TNFSF11: variants seen among roughly 807,000 people sequenced by gnomAD.
TNFSF11 encodes tumor necrosis factor ligand superfamily member 11.
In TNFSF11, 12 loss-of-function variants were observed where a neutral mutation model predicts 32.2. That is an observed-to-expected ratio of 0.37 (90% CI 0.24 to 0.60). The LOEUF (loss-of-function observed/expected upper bound fraction) is 0.60, where lower values mean the gene tolerates loss of function less well. Ranked by LOEUF, TNFSF11 falls within the 20% of genes least tolerant of loss-of-function variation. The pLI, the probability that TNFSF11 is intolerant of heterozygous loss-of-function variation, is 0.66. For synonymous variants in TNFSF11, 172 were observed against 152.1 expected (o/e 1.13, Z -0.96); for missense variants, 345 against 398.0 (o/e 0.87, Z 1.13).
intron 2 of TNFSF11, among the ~76,000 whole-genome samples, chr13:42,590,650 G>T (rs888570581): frequency 6.6e-6 from 1 of 152,200 alleles, no homozygotes; most frequent in East Asian, 1.9e-4. Context: ...AGCCCAAGAT[G>T]CCACACTGCA....
intron 2 of TNFSF11, among the ~76,000 whole-genome samples, chr13:42,600,449 A>G (rs1378885857): frequency 6.6e-6 from 1 of 152,240 alleles, no homozygotes; most frequent in African/African-American, 2.4e-5. Flanking sequence ...TACCTGCTAC[A>G]GATTTTTAAT....
intron 1 of TNFSF11, among the ~76,000 whole-genome samples, chr13:42,574,774 C>T (rs1259904973): frequency 1.3e-5 from 2 of 152,190 alleles, no homozygotes; most frequent in African/African-American, 2.4e-5. Flanking sequence ...CTCCCCTGGC[C>T]GGACGATGGG....
rs202093135 is a variant in TNFSF11 at position 42,574,329 on chromosome 13, C to A, written c.26C>A (p.Thr9Asn). 1.2e-5 allele frequency: 19 copies of A among 1,546,790 alleles called. No homozygotes were observed. MRRASRDYTKYLRGSEEMG... is the reference protein window; with the variant it reads MRRASRDYNKYLRGSEEMG... ...ATGCGCCGCGCCAGCAGAGACTACA[C>A]CAAGTACCTGCGTGGCTCGGAGGAG... is the stretch of plus-strand genomic sequence containing the variant. The change falls in exon 1 of 5, where the codon ACC becomes AAC. Residue 9 changes from threonine (T) to asparagine (N), a missense_variant. By Grantham distance (65) the Thr-to-Asn change is moderately conservative (BLOSUM62 0). This residue lies in a region of TNFSF11 where 197 missense variants were observed against 182.0 expected (regional missense o/e 1.08). Coordinates refer to ENST00000398795, the MANE Select transcript of TNFSF11 (RefSeq NM_003701.4).
At chr13:42,586,312 A>G (rs1360082596) in intron 2 of TNFSF11, among the ~76,000 whole-genome samples, 1 of 152,232 alleles carries the variant, frequency 6.6e-6, no homozygotes, top group Non-Finnish European at 1.5e-5. Flanking sequence ...TGAACAAATG[A>G]TCAATGACTT....
At chr13:42,596,045 G>A (rs545692939) in intron 2 of TNFSF11, among the ~76,000 whole-genome samples, 2 of 152,152 alleles carry the variant, frequency 1.3e-5, no homozygotes, top group Non-Finnish European at 2.9e-5. Flanking sequence ...TCTTCAGAAG[G>A]ACTCCTATAA....
In TNFSF11 at chr13:42,581,419, G is replaced by A; in HGVS notation, c.387+126G>A. On this transcript the variant is annotated intron_variant, in intron 2 of 4. Coordinates refer to ENST00000398795, the MANE Select transcript of TNFSF11 (RefSeq NM_003701.4). ...CTAATAATTTGTAAAAGAGCTACAG[G>A]GAATGCTTTAAAGAGATTAGCAGAA... The A allele has an allele frequency of 6.4e-6, 7 of 1,099,912 alleles. No individual in the cohort carries two copies. The South Asian group carries it at 1.0e-4, about 16-fold the overall frequency. The allele number at this position is 1,099,912 out of a possible 1,614,324, so 68.1% of individuals were successfully genotyped here. A position where few individuals can be genotyped will look rare whatever the true frequency, so the allele number is the denominator to read the frequency against.
intron 2 of TNFSF11, among the ~76,000 whole-genome samples, chr13:42,599,879 C>T (rs2137902813): frequency 6.6e-6 from 1 of 152,248 alleles, no homozygotes. Context: ...TTACCAGGCA[C>T]TCTGCTAAGT....
At chr13:42,567,124 C>G (rs1872899823) in intron 2 of TNFSF11, among the ~76,000 whole-genome samples, 1 of 152,038 alleles carries the variant, frequency 6.6e-6, no homozygotes, top group Non-Finnish European at 1.5e-5. Context: ...CTGAGGAAAA[C>G]TGAAGTGGAG....
intron 2 of TNFSF11, among the ~76,000 whole-genome samples, chr13:42,588,130 T>G (rs918538508): frequency 7.2e-5 from 11 of 152,226 alleles, no homozygotes; most frequent in Non-Finnish European, 1.3e-4. Context: ...CATAATAGTT[T>G]TGGAAACTGC....
At chr13:42,595,598 A>G (rs1374454908) in intron 2 of TNFSF11, among the ~76,000 whole-genome samples, 6 of 152,128 alleles carry the variant, frequency 3.9e-5, no homozygotes, top group Admixed American at 3.9e-4. Context: ...GTTCGCTGAG[A>G]GGTTTGTTGA....
upstream of TNFSF11, chr13:42,571,808 G>A (rs1873078667): frequency 6.6e-6 from 1 of 152,150 alleles, no homozygotes. Flanking sequence ...TTCTTCAGGG[G>A]GCAAGTGTGA....
chr13:42,589,657 A>G (rs1390159659), intron 2 of TNFSF11, among the ~76,000 whole-genome samples: 1 of 152,034 alleles, frequency 6.6e-6, no homozygotes, highest in African/African-American at 2.4e-5. Flanking sequence ...CCACGGCCTC[A>G]CCACAGTATG....
chr13:42,577,772 A>G (rs1873394818), intron 1 of TNFSF11, among the ~76,000 whole-genome samples: 2 of 152,244 alleles, frequency 1.3e-5, no homozygotes, highest in Admixed American at 1.3e-4. Flanking sequence ...AACACAGATA[A>G]CGAAGTAGCA....
chr13:42,568,448 A>G (rs1166382005), intron 2 of TNFSF11, among the ~76,000 whole-genome samples: 1 of 152,258 alleles, frequency 6.6e-6, no homozygotes, highest in Non-Finnish European at 1.5e-5. Flanking sequence ...TTTCCAGAAG[A>G]CTGCCAACAT....
chr13:42,581,363 G>A, intron 2 of TNFSF11, 70 bp downstream of exon 2: 1 of 1,542,838 alleles, frequency 6.5e-7, no homozygotes, highest in Admixed American at 1.7e-5. Context: ...ATTAAAACTG[G>A]CTAAGTGCTG....
At chr13:42,590,293 A>G (rs1348795925) in intron 2 of TNFSF11, among the ~76,000 whole-genome samples, 5 of 152,234 alleles carry the variant, frequency 3.3e-5, no homozygotes, top group South Asian at 2.1e-4. Flanking sequence ...TGATCAATCC[A>G]TAGGATTCTT....
At chr13:42,589,263 C>A (rs1426669729) in intron 2 of TNFSF11, among the ~76,000 whole-genome samples, 1 of 152,096 alleles carries the variant, frequency 6.6e-6, no homozygotes, top group Non-Finnish European at 1.5e-5. Context: ...CCACTCTTCA[C>A]CTCTCCCCCA....
intron 2 of TNFSF11, among the ~76,000 whole-genome samples, chr13:42,581,629 A>C (rs1873620950): frequency 6.6e-6 from 1 of 152,174 alleles, no homozygotes; most frequent in African/African-American, 2.4e-5. Flanking sequence ...CCCTGACCTA[A>C]AAACCATCCG....
At chr13:42,588,180 C>A (rs993974405) in intron 2 of TNFSF11, among the ~76,000 whole-genome samples, 4 of 152,194 alleles carry the variant, frequency 2.6e-5, no homozygotes, top group African/African-American at 9.7e-5. Context: ...TAAAAGCTGT[C>A]TTTATGGGAA....
Sources: gnomAD v4.1 joint callset for allele counts (sites outside exome capture counted in the v4.1 genomes callset) on GRCh38, gnomAD v4.1.1 for gene constraint, gnomAD v4.1.1 regional missense constraint, MANE v1.5 for transcripts, NCBI Gene and HGNC (gene_info 2026-07-23, HGNC 2026-07-21) for gene names.